SRGAP3: variants seen among roughly 807,000 people sequenced by gnomAD.
The protein encoded by SRGAP3 is SLIT-ROBO Rho GTPase-activating protein 3.
Under a neutral mutation model 121.1 loss-of-function variants are expected in SRGAP3, and 39 were observed. That is an observed-to-expected ratio of 0.32 (90% CI 0.25 to 0.42). The LOEUF is 0.42. Among genes scored for constraint, SRGAP3 ranks in the 10% least tolerant of loss-of-function variants. The pLI is 1.00. For missense variants in SRGAP3, 1,213 were observed against 1,470.6 expected (o/e 0.82, Z 2.86); for synonymous variants, 601 against 570.0 (o/e 1.05, Z -0.77).
At chr3:9,064,230 T>G (rs377232246) in intron 5 of SRGAP3, among the ~76,000 whole-genome samples, 166 bp downstream of exon 5, 5 of 152,272 alleles carry the variant, frequency 3.3e-5, no homozygotes, top group East Asian at 1.9e-4. Flanking sequence ...AGGACACCGA[T>G]CTCCAAAAGA....
At chr3:9,136,401 C>CACT (rs1949658663) in intron 1 of SRGAP3, among the ~76,000 whole-genome samples, 1 of 127,554 alleles carries the variant, frequency 7.8e-6, no homozygotes, top group African/African-American at 3.0e-5. Context: ...GGGACCCCCC[C>CACT]CCCCCCCGAC....
chr3:9,229,824 A>C lies in SRGAP3; in HGVS notation c.67+19061T>G, dbSNP rs549129824. 2.0e-5 allele frequency among the ~76,000 whole-genome samples: 3 copies of C among 152,286 alleles called. No individual in the cohort carries two copies. The South Asian group carries it at 6.2e-4, about 32-fold the overall frequency. ...TATTAAACTTCGCATTTTTAGAGTCAATTCCTCATCCCCTCCTGCTAAGCG... is the reference window on the plus strand; with the variant it reads ...TATTAAACTTCGCATTTTTAGAGTCCATTCCTCATCCCCTCCTGCTAAGCG... On this transcript the variant is annotated intron_variant, in intron 1 of 21. Coordinates refer to ENST00000383836, the MANE Select transcript of SRGAP3 (RefSeq NM_014850.4).
At chr3:9,012,180 G>A (rs985841140) in intron 17 of SRGAP3, among the ~76,000 whole-genome samples, 1 of 152,214 alleles carries the variant, frequency 6.6e-6, no homozygotes, top group South Asian at 2.1e-4. Flanking sequence ...GAAACACAAA[G>A]GCTGGAACAC....
At chr3:9,310,547 C>T (rs1464166775) in intron 3 of SRGAP3, among the ~76,000 whole-genome samples, 2 of 152,078 alleles carry the variant, frequency 1.3e-5, no homozygotes, top group Non-Finnish European at 2.9e-5. Flanking sequence ...GGAAGAGGTG[C>T]TTCTGCATGA....
At chr3:9,055,075 G>T (rs1356937568) in intron 8 of SRGAP3, among the ~76,000 whole-genome samples, 1 of 152,140 alleles carries the variant, frequency 6.6e-6, no homozygotes, top group South Asian at 2.1e-4. Flanking sequence ...AAGATGTAGG[G>T]CATAAATAAA....
At chr3:9,101,577 C>T (rs919119772) in intron 3 of SRGAP3, among the ~76,000 whole-genome samples, 2 of 152,186 alleles carry the variant, frequency 1.3e-5, no homozygotes, top group African/African-American at 4.8e-5. Context: ...GTGGGGCTGA[C>T]TGTAAAAGAG....
At position 9,046,614 on chromosome 3, in the gene SRGAP3, T is replaced by C. The variant is rs1945292688; in HGVS notation, c.1408+777A>G. Among the ~76,000 whole-genome samples, 4 of 152,200 alleles carry C rather than the reference T, an allele frequency of 2.6e-5. No homozygotes were observed. In the South Asian group the frequency reaches 8.3e-4, roughly 31 times the overall value. On this transcript the variant is annotated intron_variant, in intron 10 of 21. Coordinates refer to ENST00000383836, the MANE Select transcript of SRGAP3 (RefSeq NM_014850.4). ...GTCAGGTCCCTCGAGGGCCAAACCC[T>C]GACTTACATGTATGGATTTTCCTTC... is the stretch of plus-strand genomic sequence containing the variant.
At position 9,242,390 on chromosome 3, in the gene SRGAP3, T is replaced by C. The variant is rs1456438852; in HGVS notation, c.67+6495A>G. On this transcript the variant is annotated intron_variant, in intron 1 of 21. Coordinates refer to ENST00000383836, the MANE Select transcript of SRGAP3 (RefSeq NM_014850.4). ...CGGCTCACGCCTGAAATCCCAGCAT[T>C]TTGGGAGGCCGAGGCGGGTGGATCA... is the stretch of plus-strand genomic sequence containing the variant. Among the ~76,000 whole-genome samples, 5 of 152,260 alleles carry C rather than the reference T, an allele frequency of 3.3e-5. No individual in the cohort carries two copies. The East Asian group carries it at 9.7e-4, about 30-fold the overall frequency.
chr3:9,197,521 A>C (rs1951951465), intron 1 of SRGAP3, among the ~76,000 whole-genome samples: 1 of 152,210 alleles, frequency 6.6e-6, no homozygotes, highest in African/African-American at 2.4e-5. Context: ...ACAACTTCAC[A>C]GTTTGCAAAA....
At chr3:9,260,147 G>A (rs781507971) in intron 3 of SRGAP3, among the ~76,000 whole-genome samples, 6 of 152,124 alleles carry the variant, frequency 3.9e-5, no homozygotes, top group East Asian at 3.9e-4. Flanking sequence ...CATTGTCTTC[G>A]CAACCCACCG....
chr3:9,169,662 C>G (rs889432638), intron 1 of SRGAP3, among the ~76,000 whole-genome samples: 1 of 152,232 alleles, frequency 6.6e-6, no homozygotes, highest in Non-Finnish European at 1.5e-5. Flanking sequence ...AGTAGCCATA[C>G]TTGGCATCAA....
In SRGAP3 at chr3:9,064,657, T is replaced by C. The variant is rs1946338420; in HGVS notation, c.487-76A>G. ...GCCCTCCCTGTTACTCCTGGCTCCA[T>C]ACCAAGTTCTACACTCTAGCTGGCC... is the stretch of plus-strand genomic sequence containing the variant. On this transcript the variant is annotated intron_variant, in intron 4 of 21. Transcript: ENST00000383836. 3.3e-6 allele frequency: 5 copies of C among 1,503,384 alleles called. 1 individual carries two copies. Among genetic ancestry groups the C allele is most frequent in the Middle Eastern group, 3.9e-4 (2 of 5,090 alleles). 93.1% of individuals were successfully genotyped at this position (1,503,384 alleles called of 1,614,324 possible).
intron 4 of SRGAP3, among the ~76,000 whole-genome samples, chr3:9,077,990 C>T (rs1947051013): frequency 6.6e-6 from 1 of 152,192 alleles, no homozygotes; most frequent in Admixed American, 6.5e-5. Context: ...TATACTCCAA[C>T]ATGTTGGGAG....
chr3:8,997,792 C>T (rs376868763), intron 18 of SRGAP3, among the ~76,000 whole-genome samples: 5 of 152,080 alleles, frequency 3.3e-5, no homozygotes, highest in Non-Finnish European at 5.9e-5. Context: ...CCCTTCTATC[C>T]GTCTTATTTT....
At chr3:9,182,175 CAAAAAAAA>C (rs34305216) in intron 1 of SRGAP3, among the ~76,000 whole-genome samples, 15 of 37,282 alleles carry the variant, frequency 4.0e-4, no homozygotes, top group Non-Finnish European at 5.5e-4. Context: ...GACTCTGTCT[CAAAAAAAA>C]AAAAAAAAAA....
At chr3:9,286,728 G>A (rs1484150395) in intron 3 of SRGAP3, among the ~76,000 whole-genome samples, 1 of 149,652 alleles carries the variant, frequency 6.7e-6, no homozygotes. Flanking sequence ...TCAGCCTCCT[G>A]AGTAGCTGGG....
intron 1 of SRGAP3, among the ~76,000 whole-genome samples, chr3:9,133,618 T>C (rs1949540011): frequency 6.6e-6 from 1 of 152,258 alleles, no homozygotes. Context: ...ACATTTAGGT[T>C]GTTTATAATC....
chr3:9,222,106 C>A (rs1268748105), intron 1 of SRGAP3, among the ~76,000 whole-genome samples: 1 of 152,236 alleles, frequency 6.6e-6, no homozygotes, highest in South Asian at 2.1e-4. Context: ...TAGGTTGATC[C>A]CTTCAGAGTT....
intron 1 of SRGAP3, among the ~76,000 whole-genome samples, chr3:9,136,366 C>T (rs1949653110): frequency 1.3e-5 from 2 of 151,468 alleles, no homozygotes; most frequent in South Asian, 4.2e-4. Flanking sequence ...AGCCGCCGCG[C>T]GCCGTTGCCA....
Sources: allele counts gnomAD v4.1 joint callset (sites outside exome capture counted in the v4.1 genomes callset), GRCh38; gene constraint gnomAD v4.1.1; transcripts MANE v1.5; gene names NCBI Gene and HGNC (gene_info 2026-07-23, HGNC 2026-07-21).